PPM1D: variants seen among roughly 807,000 people sequenced by gnomAD.
The protein encoded by PPM1D is protein phosphatase 1D.
Under a neutral mutation model 58.3 loss-of-function variants are expected in PPM1D, and 52 were observed. The ratio of observed to expected loss-of-function variants is 0.89; its 90% CI spans 0.71 to 1.12. The LOEUF is 1.12. Ranked by LOEUF, PPM1D falls within the 50% of genes most tolerant of loss-of-function variation. The pLI is 0.00. For missense variants in PPM1D, 564 were observed against 777.2 expected (o/e 0.73, Z 3.26); for synonymous variants, 278 against 285.1 (o/e 0.98, Z 0.25).
chr17:60,657,943 G>A (rs898969885), intron 5 of PPM1D, among the ~76,000 whole-genome samples: 27 of 152,148 alleles, frequency 1.8e-4, no homozygotes, highest in African/African-American at 6.0e-4. Flanking sequence ...GTTTCACCAT[G>A]TTGTCCAAGC....
chr17:60,601,621 A>G (rs1268293463), intron 1 of PPM1D, among the ~76,000 whole-genome samples: 2 of 152,208 alleles, frequency 1.3e-5, no homozygotes, highest in African/African-American at 4.8e-5. Context: ...GATTGCTTTC[A>G]GATAGTTCCC....
chr17:60,625,577 A>G (rs2143658780), intron 2 of PPM1D, among the ~76,000 whole-genome samples: 1 of 152,360 alleles, frequency 6.6e-6, no homozygotes, highest in African/African-American at 2.4e-5. Flanking sequence ...ACATATTCAT[A>G]ATGCTGAATA....
intron 3 of PPM1D, among the ~76,000 whole-genome samples, chr17:60,638,904 C>T (rs923313355): frequency 4.6e-5 from 7 of 152,088 alleles, no homozygotes; most frequent in African/African-American, 1.7e-4. Context: ...TACCCAAGTA[C>T]AAATGTAGCA....
At chr17:60,629,165 G>T (rs2030870753) in intron 2 of PPM1D, among the ~76,000 whole-genome samples, 1 of 152,180 alleles carries the variant, frequency 6.6e-6, no homozygotes, top group South Asian at 2.1e-4. Flanking sequence ...AATGATCCCT[G>T]AATGGAATTG....
intron 5 of PPM1D, among the ~76,000 whole-genome samples, chr17:60,658,565 T>G (rs1284875324): frequency 6.6e-6 from 1 of 151,554 alleles, no homozygotes; most frequent in East Asian, 1.9e-4. Flanking sequence ...GGAGAATCGC[T>G]TGAACCCAGG....
At position 60,665,686 on chromosome 17, in the gene PPM1D, C is replaced by T. The variant is rs2031605566; in HGVS notation, c.*2134C>T. On this transcript the variant is annotated 3_prime_UTR_variant, in exon 6 of 6. Coordinates refer to ENST00000305921, the MANE Select transcript of PPM1D (RefSeq NM_003620.4). ...CAAATATTATCTCCAGTTTCTGAGC[C>T]TCAGAAATCTGAGAGTGGTTTAGCT... is the stretch of plus-strand genomic sequence containing the variant. The T allele has an allele frequency of 6.6e-6, 1 of 152,160 alleles. No homozygotes were observed. The highest frequency in any genetic ancestry group is 6.5e-5 in the Admixed American group (1 of 15,270). The allele number at this position is 152,160 out of a possible 1,614,324, so 9.4% of individuals were successfully genotyped here. A position where few individuals can be genotyped will look rare whatever the true frequency, so the allele number is the denominator to read the frequency against.
chr17:60,633,799 TTAG>T (rs2030973474), intron 2 of PPM1D, 51 bp from the exon 3 acceptor site: 2 of 1,459,712 alleles, frequency 1.4e-6, no homozygotes, highest in Admixed American at 3.9e-5. Context: ...CTGAGCTATC[TTAG>T]TTGTTGTATT....
At chr17:60,616,440 T>C (rs1251311219) in intron 1 of PPM1D, among the ~76,000 whole-genome samples, 1 of 151,988 alleles carries the variant, frequency 6.6e-6, no homozygotes, top group Non-Finnish European at 1.5e-5. Flanking sequence ...AAATCCCGTC[T>C]CTACTAAAAA....
intron 1 of PPM1D, among the ~76,000 whole-genome samples, chr17:60,613,731 G>T (rs761881867): frequency 1.4e-4 from 21 of 152,226 alleles, no homozygotes; most frequent in Non-Finnish European, 2.2e-4. Flanking sequence ...GCTGCTGGCC[G>T]CAGGCAGTGA....
At chr17:60,614,273 G>A (rs1801104680) in intron 1 of PPM1D, among the ~76,000 whole-genome samples, 4 of 152,152 alleles carry the variant, frequency 2.6e-5, no homozygotes, top group African/African-American at 9.7e-5. Flanking sequence ...ATCTGGTGGG[G>A]ACTTGGAGAA....
intron 2 of PPM1D, among the ~76,000 whole-genome samples, chr17:60,631,537 G>A (rs1403979121): frequency 3.3e-5 from 5 of 151,778 alleles, no homozygotes; most frequent in African/African-American, 9.7e-5. Flanking sequence ...TACTCAGGAG[G>A]CTGAGGCTGC....
intron 1 of PPM1D, among the ~76,000 whole-genome samples, chr17:60,621,827 C>G (rs1185364557): frequency 6.7e-6 from 1 of 148,660 alleles, no homozygotes; most frequent in Admixed American, 6.6e-5. Flanking sequence ...ACTTTGGCCT[C>G]CTAAAGTGCT....
intron 3 of PPM1D, among the ~76,000 whole-genome samples, chr17:60,646,275 A>C (rs543484222): frequency 6.8e-4 from 104 of 152,302 alleles, no homozygotes; most frequent in African/African-American, 2.4e-3. Flanking sequence ...TCTGGTTAGC[A>C]ATGATTTTGC....
intron 5 of PPM1D, among the ~76,000 whole-genome samples, chr17:60,660,654 G>A (rs749065781): frequency 3.3e-5 from 5 of 151,572 alleles, no homozygotes; most frequent in Admixed American, 1.3e-4. Flanking sequence ...CCAGCTACTC[G>A]GGAGGGTGAG....
At chr17:60,659,290 T>C (rs1265069422) in intron 5 of PPM1D, among the ~76,000 whole-genome samples, 2 of 152,242 alleles carry the variant, frequency 1.3e-5, no homozygotes, top group African/African-American at 2.4e-5. Flanking sequence ...AATTTAATTA[T>C]AATGTGGTTA....
At chr17:60,631,794 A>T (rs1025828220) in intron 2 of PPM1D, among the ~76,000 whole-genome samples, 20 of 152,340 alleles carry the variant, frequency 1.3e-4, no homozygotes, top group African/African-American at 4.8e-4. Flanking sequence ...ATCAATTCCC[A>T]TTTGAAGTAA....
At chr17:60,603,580 T>C (rs1412264859) in intron 1 of PPM1D, among the ~76,000 whole-genome samples, 2 of 152,146 alleles carry the variant, frequency 1.3e-5, no homozygotes, top group Non-Finnish European at 2.9e-5. Context: ...CTGGCCAACA[T>C]GGTGAAACCT....
At position 60,613,960 on chromosome 17, in the gene PPM1D, G is replaced by A. The variant is rs561359453; in HGVS notation, c.473-9561G>A. Among the ~76,000 whole-genome samples the A allele has an allele frequency of 6.9e-4, 16 of 23,148 alleles. 1 individual carries two copies. The highest frequency in any genetic ancestry group is 9.7e-3 in the South Asian group (2 of 206). The allele number at this position is 23,148 out of a possible 152,430, so 15.2% of individuals were successfully genotyped here. ...CGATGAGCACCACCCCCTGCTCCAC[G>A]GTGCCCGGTCCCGTCGACTGCCCAA... On this transcript the variant is annotated intron_variant, in intron 1 of 5. Coordinates refer to ENST00000305921, the MANE Select transcript of PPM1D (RefSeq NM_003620.4).
chr17:60,615,223 C>G (rs1292020793), intron 1 of PPM1D, among the ~76,000 whole-genome samples: 1 of 151,896 alleles, frequency 6.6e-6, no homozygotes. Flanking sequence ...ATAGTGGAAC[C>G]CCCTCTGTAC....
Sources: allele counts gnomAD v4.1 joint callset (sites outside exome capture counted in the v4.1 genomes callset), GRCh38; gene constraint gnomAD v4.1.1; transcripts MANE v1.5; gene names NCBI Gene and HGNC (gene_info 2026-07-23, HGNC 2026-07-21).